OSBPL1A: variants seen among roughly 807,000 people sequenced by gnomAD.
The protein encoded by OSBPL1A is oxysterol binding protein like 1A, also known as oxysterol-binding protein-related protein 1.
A neutral mutation model predicts 137.1 loss-of-function variants in OSBPL1A; 80 were observed. The ratio of observed to expected loss-of-function variants is 0.58; its 90% CI spans 0.49 to 0.70. The LOEUF (loss-of-function observed/expected upper bound fraction) is 0.70. Ranked by LOEUF, OSBPL1A falls within the 30% of genes least tolerant of loss-of-function variation. The probability of loss-of-function intolerance (pLI) is 0.00; values close to 1 mark genes in which losing one functional copy is unlikely to be tolerated. For synonymous variants in OSBPL1A, 365 were observed against 389.7 expected, an observed-to-expected ratio of 0.94 and a Z score of 0.75; for missense variants, 970 against 1,129.4, an observed-to-expected ratio of 0.86 and a Z score of 2.02.
chr18:24,366,779 T>C, intron 4 of OSBPL1A, 113 bp downstream of exon 4: 1 of 1,051,488 alleles, frequency 9.5e-7, no homozygotes, highest in Admixed American at 2.7e-5. Context: ...GTGTATACAT[T>C]TTTTTGTGTG....
chr18:24,337,420 A>ATAACATAACATAACAT (rs1290686431), intron 5 of OSBPL1A, among the ~76,000 whole-genome samples: 1 of 151,720 alleles, frequency 6.6e-6, no homozygotes, highest in African/African-American at 2.4e-5. Context: ...ATAACATAAC[A>ATAACATAACATAACAT]TAAAGCCAGG....
chr18:24,377,276 C>T (rs1380943642), intron 2 of OSBPL1A, 137 bp downstream of exon 2: 1 of 1,072,834 alleles, frequency 9.3e-7, no homozygotes, highest in East Asian at 2.7e-5. Context: ...AGAGACATTT[C>T]CTCCAATCTG....
intron 18 of OSBPL1A, among the ~76,000 whole-genome samples, chr18:24,195,313 T>C (rs867791657): frequency 2.0e-5 from 3 of 151,044 alleles, no homozygotes; most frequent in Admixed American, 1.3e-4. Context: ...TGAAAAGAAA[T>C]GAAATGAAAA....
intron 16 of OSBPL1A, among the ~76,000 whole-genome samples, chr18:24,230,117 G>A (rs995152759): frequency 5.3e-5 from 8 of 152,132 alleles, no homozygotes; most frequent in African/African-American, 1.9e-4. Context: ...AATGTTAGTG[G>A]GTAATATATT....
At chr18:24,223,441 C>T (rs2087958861) in intron 17 of OSBPL1A, among the ~76,000 whole-genome samples, 1 of 152,082 alleles carries the variant, frequency 6.6e-6, no homozygotes, top group Admixed American at 6.6e-5. Flanking sequence ...AACTGAAGAA[C>T]GTCATACTAC....
intron 13 of OSBPL1A, among the ~76,000 whole-genome samples, chr18:24,308,391 A>T (rs1259425981): frequency 6.6e-6 from 1 of 151,384 alleles, no homozygotes; most frequent in Non-Finnish European, 1.5e-5. Flanking sequence ...AAAAAAAAAA[A>T]AAATTTGTTT....
intron 4 of OSBPL1A, 39 bp from the exon 5 acceptor site, chr18:24,341,697 G>C (rs1343882943): frequency 1.1e-5 from 16 of 1,416,778 alleles, no homozygotes; most frequent in Non-Finnish European, 1.4e-5. Context: ...ATTAAGCTAA[G>C]ATTTTATTGC....
chr18:24,283,137 C>T (rs1401072849), intron 14 of OSBPL1A, among the ~76,000 whole-genome samples: 2 of 151,086 alleles, frequency 1.3e-5, no homozygotes, highest in South Asian at 2.1e-4. Flanking sequence ...TGGTGGCTGG[C>T]GCCTGTAATC....
chr18:24,372,285 AAAAG>A (rs1009738780), intron 2 of OSBPL1A, among the ~76,000 whole-genome samples: 4 of 151,942 alleles, frequency 2.6e-5, no homozygotes, highest in Admixed American at 6.6e-5. Context: ...AAAAAAAAAA[AAAAG>A]AAAGAAAAAG....
intron 4 of OSBPL1A, among the ~76,000 whole-genome samples, chr18:24,351,077 GT>G (rs894857263): frequency 2.0e-5 from 3 of 152,120 alleles, no homozygotes; most frequent in Non-Finnish European, 4.4e-5. Flanking sequence ...GCTGGGCACG[GT>G]GGCTCACACT....
In OSBPL1A at chr18:24,171,451, C is replaced by G. The variant is rs774015196; in HGVS notation, c.2249G>C (p.Gly750Ala). The stretch of plus-strand genomic sequence containing the variant: ...GCCTTCAACTTTGTGTAATTCCTTA[C>G]CAAAAAGGCCACATGGCTTAAAATT... ...VLNFKPCGLF[G>A]KELHKVEGYI... Residue 750 changes from glycine to alanine, a missense_variant, in exon 23 of 28, where the codon GGT becomes GCT. This residue lies in a region of OSBPL1A where 323 missense variants were observed against 456.8 expected (regional missense o/e 0.71). Coordinates refer to ENST00000319481, the MANE Select transcript of OSBPL1A (RefSeq NM_080597.4). 1 of 1,613,730 alleles carries G rather than the reference C, an allele frequency of 6.2e-7. No individual in the cohort carries two copies. The highest frequency in any genetic ancestry group is 8.5e-7 in the Non-Finnish European group (1 of 1,179,814).
chr18:24,302,949 G>A (rs1210868763), intron 14 of OSBPL1A, among the ~76,000 whole-genome samples: 1 of 151,874 alleles, frequency 6.6e-6, no homozygotes, highest in African/African-American at 2.4e-5. Context: ...GTAAGTGGAA[G>A]AGTAAGGATT....
rs34326171 is a variant in OSBPL1A, at chr18:24,314,144, A to G, written c.969+105T>C. On this transcript the variant is annotated intron_variant, in intron 12 of 27. Coordinates refer to ENST00000319481, the MANE Select transcript of OSBPL1A (RefSeq NM_080597.4). ...ATAAAAATTTAAAAAAATTAAAAGTACAATCAACAAGATGTTGGATGTTAC... is the reference window on the plus strand; with the variant it reads ...ATAAAAATTTAAAAAAATTAAAAGTGCAATCAACAAGATGTTGGATGTTAC... 6.1e-6 allele frequency: 4 copies of G among 657,336 alleles called. No individual in the cohort carries two copies. The Admixed American group carries it at 9.1e-5, about 15-fold the overall frequency. 40.7% of individuals were successfully genotyped at this position (657,336 alleles called of 1,614,324 possible). A position where few individuals can be genotyped will look rare whatever the true frequency, so the allele number is the denominator to read the frequency against.
At chr18:24,165,852 T>C (rs923406905) in intron 26 of OSBPL1A, among the ~76,000 whole-genome samples, 1 of 152,152 alleles carries the variant, frequency 6.6e-6, no homozygotes, top group African/African-American at 2.4e-5. Flanking sequence ...TCCCAGCACT[T>C]TGGGAGTCTG....
At position 24,324,481 on chromosome 18, in the gene OSBPL1A, AAAT is replaced by A. The variant is rs1183998848; in HGVS notation, c.626-5675_626-5673del. ...AAAAAAAAAAAAAAAAAAAAAAAAA[AAAT>A]TATATCAAATAGATAAACTACATGC... On this transcript the variant is annotated intron_variant, in intron 7 of 27. Transcript: ENST00000319481. 5.0e-4 allele frequency among the ~76,000 whole-genome samples: 38 copies of A among 75,928 alleles called. 9 individuals carry two copies. The highest frequency in any genetic ancestry group is 9.7e-4 in the Non-Finnish European group (37 of 38,284). 49.8% of individuals were successfully genotyped at this position (75,928 alleles called of 152,430 possible). A position where few individuals can be genotyped will look rare whatever the true frequency, so the allele number is the denominator to read the frequency against.
intron 15 of OSBPL1A, among the ~76,000 whole-genome samples, chr18:24,243,143 C>T (rs1173971651): frequency 3.3e-5 from 5 of 152,128 alleles, no homozygotes; most frequent in Admixed American, 6.5e-5. Flanking sequence ...AGAAGAATCG[C>T]TTGAACCCTG....
intron 7 of OSBPL1A, among the ~76,000 whole-genome samples, chr18:24,328,036 CTTTTT>C (rs10563779): frequency 4.2e-5 from 4 of 95,630 alleles, no homozygotes; most frequent in African/African-American, 1.4e-4. Context: ...AGAAATCACA[CTTTTT>C]TTTTTTTTTT....
intron 2 of OSBPL1A, among the ~76,000 whole-genome samples, chr18:24,375,676 G>A (rs1271575337): frequency 1.3e-5 from 2 of 152,036 alleles, no homozygotes; most frequent in Non-Finnish European, 2.9e-5. Flanking sequence ...CCAGATCCTG[G>A]TACCTATTTT....
intron 17 of OSBPL1A, among the ~76,000 whole-genome samples, chr18:24,215,542 T>G (rs2087673211): frequency 6.6e-6 from 1 of 152,192 alleles, no homozygotes; most frequent in Non-Finnish European, 1.5e-5. Flanking sequence ...ATTTTTTTAT[T>G]ATTATATATG....
Sources: allele counts gnomAD v4.1 joint callset (sites outside exome capture counted in the v4.1 genomes callset), GRCh38; gene constraint gnomAD v4.1.1; regional missense constraint gnomAD v4.1.1; transcripts MANE v1.5; gene names NCBI Gene and HGNC (gene_info 2026-07-23, HGNC 2026-07-21).